The following SLC24A2 variants were observed in gnomAD, a reference collection of about 807,000 sequenced individuals.
The protein encoded by SLC24A2 is sodium/potassium/calcium exchanger 2.
SLC24A2 carries 36 observed loss-of-function variants against 62.0 expected under a neutral mutation model. That is an observed-to-expected ratio of 0.58 (90% CI 0.44 to 0.77). The LOEUF is 0.77. Among genes scored for constraint, SLC24A2 ranks in the 30% least tolerant of loss-of-function variants. The pLI is 0.00. For missense variants in SLC24A2, 846 were observed against 817.9 expected, an observed-to-expected ratio of 1.03 and a Z score of -0.42; for synonymous variants, 358 against 294.0, an observed-to-expected ratio of 1.22 and a Z score of -2.23.
chr9:19,544,381 C>A (rs748512106), intron 8 of SLC24A2, among the ~76,000 whole-genome samples: 2 of 151,638 alleles, frequency 1.3e-5, no homozygotes, highest in African/African-American at 2.4e-5. Context: ...TGACGCTTAT[C>A]CAATTTGCCA....
At chr9:19,671,386 A>G (rs1819411428) in intron 2 of SLC24A2, among the ~76,000 whole-genome samples, 1 of 151,594 alleles carries the variant, frequency 6.6e-6, no homozygotes, top group Non-Finnish European at 1.5e-5. Context: ...AGAACTACTC[A>G]TTTGTGTTCT....
the SLC24A2 span, among the ~76,000 whole-genome samples, chr9:20,146,072 G>A: frequency 6.6e-6 from 1 of 151,922 alleles, no homozygotes; most frequent in Non-Finnish European, 1.5e-5. Context: ...CCAATCTGGG[G>A]TATTAAAAAA....
At chr9:20,113,975 G>A in the SLC24A2 span, among the ~76,000 whole-genome samples, 3 of 152,182 alleles carry the variant, frequency 2.0e-5, no homozygotes, top group East Asian at 1.9e-4. Context: ...TGAACCCTAT[G>A]ATTGCCCCCA....
At chr9:19,565,799 CTAA>C in intron 7 of SLC24A2, among the ~76,000 whole-genome samples, 1 of 152,106 alleles carries the variant, frequency 6.6e-6, no homozygotes, top group Non-Finnish European at 1.5e-5. Context: ...AGAGCCCCCA[CTAA>C]TAATACCACA....
chr9:20,116,940 T>C, the SLC24A2 span, among the ~76,000 whole-genome samples: 1 of 152,110 alleles, frequency 6.6e-6, no homozygotes, highest in Non-Finnish European at 1.5e-5. Flanking sequence ...ATAAGATCAG[T>C]CTTGCAAGCA....
intron 4 of SLC24A2, among the ~76,000 whole-genome samples, chr9:19,618,549 A>G (rs562768364): frequency 2.3e-4 from 35 of 152,304 alleles, no homozygotes; most frequent in Admixed American, 1.2e-3. Flanking sequence ...TGCATGTCCA[A>G]TGAAGGAAGA....
At position 19,672,061 on chromosome 9, in the gene SLC24A2, G is replaced by A. The variant is rs190030226; in HGVS notation, c.931-49762C>T. 8.2e-5 allele frequency among the ~76,000 whole-genome samples: 12 copies of A among 146,152 alleles called. 3 individuals are homozygous for A. Among genetic ancestry groups the A allele is most frequent in the African/African-American group, 3.0e-4 (11 of 37,050 alleles). On this transcript the variant is annotated intron_variant, in intron 2 of 10. Coordinates refer to ENST00000341998, the MANE Select transcript of SLC24A2 (RefSeq NM_020344.4). Reference sequence around the variant, plus strand: ...CTGGCTTTGGTATTAGGGTGATACCGGCTTCACAGAATGATTTAGGAAGAA... The same window carrying A: ...CTGGCTTTGGTATTAGGGTGATACCAGCTTCACAGAATGATTTAGGAAGAA...
rs373874903 is a variant in SLC24A2, at chr9:19,702,105, CTTTT to C, written c.931-79810_931-79807del. Among the ~76,000 whole-genome samples the C allele has an allele frequency of 1.5e-3, 235 of 152,250 alleles. 1 individual carries two copies. The highest frequency in any genetic ancestry group is 5.3e-3 in the African/African-American group (221 of 41,544). On this transcript the variant is annotated intron_variant, in intron 2 of 10. Coordinates refer to ENST00000341998, the MANE Select transcript of SLC24A2 (RefSeq NM_020344.4). ...TGTAAAGACAGAATTAATAAAACTCCTTTTTTGAGAGATTTCAGAGTGAAATGGA... is the reference window on the plus strand; with the variant it reads ...TGTAAAGACAGAATTAATAAAACTCCTTGAGAGATTTCAGAGTGAAATGGA...
At chr9:19,787,102 C>G in intron 1 of SLC24A2, 83 bp from the exon 2 acceptor site, 1 of 759,064 alleles carries the variant, frequency 1.3e-6, no homozygotes. Flanking sequence ...TGATAAAGTC[C>G]TGTCCTGCAG....
At chr9:20,034,548 A>T in the SLC24A2 span, among the ~76,000 whole-genome samples, 1 of 128,550 alleles carries the variant, frequency 7.8e-6, no homozygotes, top group Admixed American at 1.0e-4. Context: ...CAAGCTCTGC[A>T]CCCCCCACCC....
the SLC24A2 span, among the ~76,000 whole-genome samples, chr9:20,194,013 T>C: frequency 6.6e-6 from 1 of 152,058 alleles, no homozygotes; most frequent in Non-Finnish European, 1.5e-5. Context: ...AGAGTGTGTG[T>C]AAATATGAAA....
At chr9:19,716,599 A>G (rs1455046965) in intron 2 of SLC24A2, among the ~76,000 whole-genome samples, 27 of 152,166 alleles carry the variant, frequency 1.8e-4, no homozygotes, top group Admixed American at 1.8e-3. Context: ...CTGATGTCTT[A>G]TATTTGCCTT....
At position 19,679,076 on chromosome 9, in the gene SLC24A2, A is replaced by G. The variant is rs77515208; in HGVS notation, c.931-56777T>C. On this transcript the variant is annotated intron_variant, in intron 2 of 10. Coordinates refer to ENST00000341998, the MANE Select transcript of SLC24A2 (RefSeq NM_020344.4). ...TCAAGATGAGAACATCGACTTTTCC[A>G]TTGAGAAAAGGGACCTGGCAGGGGA... is the stretch of plus-strand genomic sequence containing the variant. Among the ~76,000 whole-genome samples the G allele has an allele frequency of 8.3e-4, 127 of 152,272 alleles. 2 individuals carry two copies. The East Asian group carries it at 0.016, about 19-fold the overall frequency.
At chr9:20,033,258 C>T in the SLC24A2 span, among the ~76,000 whole-genome samples, 1 of 152,114 alleles carries the variant, frequency 6.6e-6, no homozygotes, top group Non-Finnish European at 1.5e-5. Context: ...TTCAGACAGA[C>T]CTGGGTCCAA....
intron 7 of SLC24A2, among the ~76,000 whole-genome samples, chr9:19,561,228 C>A (rs1000705339): frequency 1.3e-5 from 2 of 151,992 alleles, no homozygotes; most frequent in African/African-American, 4.8e-5. Context: ...CCACACCTGG[C>A]CTGTATTTGT....
the SLC24A2 span, among the ~76,000 whole-genome samples, chr9:19,977,886 C>A: frequency 6.6e-6 from 1 of 152,108 alleles, no homozygotes; most frequent in African/African-American, 2.4e-5. Context: ...GTCGTATGCC[C>A]TAATTGGACC....
chr9:19,729,383 A>G (rs181287475), intron 2 of SLC24A2, among the ~76,000 whole-genome samples: 51 of 152,316 alleles, frequency 3.3e-4, no homozygotes, highest in African/African-American at 1.2e-3. Context: ...TATCCAAAAG[A>G]AAGGAAAGAA....
chr9:19,658,442 G>C (rs576265382), intron 2 of SLC24A2, among the ~76,000 whole-genome samples: 1 of 152,318 alleles, frequency 6.6e-6, no homozygotes, highest in African/African-American at 2.4e-5. Flanking sequence ...CTCATTTGAA[G>C]ATGATCAGAA....
chr9:19,844,485 G>A, the SLC24A2 span, among the ~76,000 whole-genome samples: 1 of 152,160 alleles, frequency 6.6e-6, no homozygotes, highest in African/African-American at 2.4e-5. Context: ...TCATATGATA[G>A]TTTCTTTTGC....
Sources: allele counts gnomAD v4.1 joint callset (sites outside exome capture counted in the v4.1 genomes callset), GRCh38; gene constraint gnomAD v4.1.1; transcripts MANE v1.5; gene names NCBI Gene and HGNC (gene_info 2026-07-23, HGNC 2026-07-21).